HMCN1: variants seen among roughly 807,000 people sequenced by gnomAD.
HMCN1 encodes hemicentin-1.
Under a neutral mutation model 625.9 loss-of-function variants are expected in HMCN1, and 321 were observed. That is an observed-to-expected ratio of 0.51 (90% CI 0.47 to 0.56). HMCN1 has a LOEUF of 0.56. Ranked by LOEUF, HMCN1 falls within the 20% of genes least tolerant of loss-of-function variation. The pLI, the probability that HMCN1 is intolerant of heterozygous loss-of-function variation, is 0.00. For missense variants in HMCN1, 6,588 were observed against 6,887.3 expected (o/e 0.96, Z 1.54); for synonymous variants, 2,425 against 2,417.6 (o/e 1.00, Z -0.09).
rs770154240 is a variant in HMCN1, at chr1:186,055,390, C to T, written c.6863-3C>T. 1.2e-6 allele frequency: 2 copies of T among 1,612,194 alleles called. No individual in the cohort carries two copies. The highest frequency in any genetic ancestry group is 1.7e-6 in the Non-Finnish European group (2 of 1,178,736). ...TTTCTTTTTATCTTCCTCCAACCCT[C>T]AGTTAGACCAACCATAACCAACAGT... On this transcript the variant is annotated splice_polypyrimidine_tract_variant and splice_region_variant and intron_variant, in intron 44 of 106. Coordinates refer to ENST00000271588, the MANE Select transcript of HMCN1 (RefSeq NM_031935.3).
At chr1:185,891,465 T>C (rs1348604685) in intron 4 of HMCN1, among the ~76,000 whole-genome samples, 1 of 148,348 alleles carries the variant, frequency 6.7e-6, no homozygotes, top group East Asian at 1.9e-4. Flanking sequence ...GTTCCTTTCA[T>C]GTTTAGTGCT....
intron 1 of HMCN1, among the ~76,000 whole-genome samples, chr1:185,813,751 G>A (rs1366532580): frequency 6.6e-6 from 1 of 152,102 alleles, no homozygotes; most frequent in Non-Finnish European, 1.5e-5. Context: ...GAAATTTTCT[G>A]ACTTGTTTTC....
chr1:185,797,399 G>A (rs965576635), intron 1 of HMCN1, among the ~76,000 whole-genome samples: 48 of 152,298 alleles, frequency 3.2e-4, no homozygotes, highest in Non-Finnish European at 5.6e-4. Flanking sequence ...CAAACCTCTA[G>A]GCTTAAGCAG....
At chr1:186,146,463 A>G (rs1650322676) in intron 93 of HMCN1, among the ~76,000 whole-genome samples, 2 of 152,206 alleles carry the variant, frequency 1.3e-5, no homozygotes. Flanking sequence ...ATGGTAGCTA[A>G]TACTCAATAC....
chr1:185,961,460 C>T (rs1210333428), intron 11 of HMCN1, among the ~76,000 whole-genome samples: 1 of 152,200 alleles, frequency 6.6e-6, no homozygotes, highest in South Asian at 2.1e-4. Flanking sequence ...AATAATTATG[C>T]AAAAAGCAGA....
chr1:185,963,829 A>T lies in HMCN1; in HGVS notation c.2032A>T (p.Ile678Phe). The T allele has an allele frequency of 1.2e-6, 2 of 1,611,024 alleles. No homozygotes were observed. Among genetic ancestry groups the T allele is most frequent in the Non-Finnish European group, 1.7e-6 (2 of 1,177,452 alleles). Residue 678 changes from isoleucine to phenylalanine, a missense_variant, in exon 13 of 107, where the codon ATC becomes TTC. By Grantham distance (21) the Ile-to-Phe change is conservative (BLOSUM62 0). Transcript: ENST00000271588. ...IKNAAPKDAG[I>F]YGCLASNSAG... ...AAATGCAGCTCCCAAAGATGCAGGG[A>T]TCTATGGTTGCCTAGCAAGTAATTC...
In HMCN1 at chr1:185,843,071, G is replaced by T. The variant is rs1168393423; in HGVS notation, c.269-2955G>T. Among the ~76,000 whole-genome samples the T allele has an allele frequency of 2.6e-5, 4 of 152,094 alleles. No individual in the cohort carries two copies. The East Asian group carries it at 7.7e-4, about 29-fold the overall frequency. ...CAAACAATCTTTAATGCCCTTTCTA[G>T]CTCTATACTTATATTTGAGATTGAT... On this transcript the variant is annotated intron_variant, in intron 1 of 106. Transcript: ENST00000271588.
intron 11 of HMCN1, among the ~76,000 whole-genome samples, chr1:185,937,754 A>G (rs1571585278): frequency 1.3e-5 from 2 of 151,988 alleles, no homozygotes; most frequent in African/African-American, 2.4e-5. Flanking sequence ...GGTGGCACAC[A>G]TCTGTAGTCC....
chr1:185,882,383 T>C lies in HMCN1; in HGVS notation c.621+16520T>C, dbSNP rs765158692. Among the ~76,000 whole-genome samples the C allele has an allele frequency of 9.1e-4, 138 of 152,242 alleles. 1 individual carries two copies. Among genetic ancestry groups the C allele is most frequent in the Non-Finnish European group, 1.5e-3 (105 of 67,996 alleles). ...TTTTTTCAGTTTTAATGTTATTCTTTGATTTTGCAGCTAAGTGGTTTTAAA... is the reference window on the plus strand; with the variant it reads ...TTTTTTCAGTTTTAATGTTATTCTTCGATTTTGCAGCTAAGTGGTTTTAAA... On this transcript the variant is annotated intron_variant, in intron 4 of 106. Coordinates refer to ENST00000271588, the MANE Select transcript of HMCN1 (RefSeq NM_031935.3).
chr1:185,934,400 G>A (rs986667379), intron 11 of HMCN1, among the ~76,000 whole-genome samples: 3 of 151,992 alleles, frequency 2.0e-5, no homozygotes, highest in African/African-American at 7.2e-5. Context: ...CTAATTGTGA[G>A]CCAATTTTGA....
intron 1 of HMCN1, among the ~76,000 whole-genome samples, chr1:185,799,754 G>A (rs1658663838): frequency 6.6e-6 from 1 of 152,144 alleles, no homozygotes; most frequent in Non-Finnish European, 1.5e-5. Flanking sequence ...GGGCTGTGCA[G>A]GTGACCTCCT....
At chr1:185,828,477 T>G (rs1326587042) in intron 1 of HMCN1, among the ~76,000 whole-genome samples, 1 of 151,948 alleles carries the variant, frequency 6.6e-6, no homozygotes, top group Non-Finnish European at 1.5e-5. Context: ...CATATTAGAG[T>G]AAGAGACTTG....
intron 1 of HMCN1, among the ~76,000 whole-genome samples, chr1:185,825,419 C>T (rs554851218): frequency 4.6e-5 from 7 of 152,218 alleles, no homozygotes; most frequent in East Asian, 1.9e-4. Flanking sequence ...TTCTTCGTTT[C>T]GGATGCCAAG....
chr1:185,924,995 T>C, intron 8 of HMCN1, 52 bp from the exon 9 acceptor site: 1 of 1,487,200 alleles, frequency 6.7e-7, no homozygotes, highest in Non-Finnish European at 9.2e-7. Context: ...CTTAACATCA[T>C]TGTGACCTTC....
intron 6 of HMCN1, among the ~76,000 whole-genome samples, chr1:185,917,688 G>A (rs1666788943): frequency 6.6e-6 from 1 of 152,164 alleles, no homozygotes; most frequent in South Asian, 2.1e-4. Flanking sequence ...CATTCTGTGG[G>A]TGATGAATAT....
chr1:185,864,145 A>T (rs1663035930), intron 2 of HMCN1, among the ~76,000 whole-genome samples: 2 of 152,224 alleles, frequency 1.3e-5, no homozygotes, highest in South Asian at 4.1e-4. Flanking sequence ...AAGGTCATCA[A>T]ATAAGAATGA....
intron 4 of HMCN1, among the ~76,000 whole-genome samples, chr1:185,885,907 T>C (rs1664615628): frequency 6.6e-6 from 1 of 152,076 alleles, no homozygotes. Flanking sequence ...AATGATTCCA[T>C]GGCATGTATA....
At chr1:185,825,449 T>A (rs1400402221) in intron 1 of HMCN1, among the ~76,000 whole-genome samples, 1 of 152,214 alleles carries the variant, frequency 6.6e-6, no homozygotes, top group East Asian at 1.9e-4. Flanking sequence ...TAGCAAGTGC[T>A]AACTTCTATT....
intron 14 of HMCN1, 53 bp downstream of exon 14, chr1:185,965,968 T>TA (rs951855557): frequency 8.5e-5 from 94 of 1,110,244 alleles, no homozygotes; most frequent in East Asian, 1.9e-4. Context: ...GTTTTCTTTT[T>TA]AAAAAAAATG....
Sources: allele counts gnomAD v4.1 joint callset (sites outside exome capture counted in the v4.1 genomes callset), GRCh38; gene constraint gnomAD v4.1.1; transcripts MANE v1.5; gene names NCBI Gene and HGNC (gene_info 2026-07-23, HGNC 2026-07-21).